GAPVD1: variants seen among roughly 807,000 people sequenced by gnomAD.
The protein encoded by GAPVD1 is GTPase activating protein and VPS9 domains 1.
Under a neutral mutation model 155.5 loss-of-function variants are expected in GAPVD1, and 35 were observed. The ratio of observed to expected loss-of-function variants is 0.23; its 90% confidence interval spans 0.17 to 0.30. GAPVD1 has a LOEUF of 0.30. GAPVD1 is among the 10% of genes least tolerant of loss of function. The probability of loss-of-function intolerance (pLI) is 1.00; values close to 1 mark genes in which losing one functional copy is unlikely to be tolerated. For missense variants in GAPVD1, 1,429 were observed against 1,775.7 expected (o/e 0.80, Z 3.51); for synonymous variants, 636 against 619.7 (o/e 1.03, Z -0.39).
chr9:125,299,843 A>C (rs1840481307), intron 4 of GAPVD1, among the ~76,000 whole-genome samples: 1 of 143,740 alleles, frequency 7.0e-6, no homozygotes, highest in Non-Finnish European at 1.5e-5. Context: ...AGATGATGAA[A>C]CCCCATCTCT....
intron 13 of GAPVD1, among the ~76,000 whole-genome samples, chr9:125,330,987 T>A (rs1845986636): frequency 2.6e-5 from 1 of 38,008 alleles, no homozygotes; most frequent in Non-Finnish European, 5.5e-5. Context: ...ATCCTGAGGA[T>A]TTTTTTTTTG....
At chr9:125,275,680 G>A (rs10986680) in intron 2 of GAPVD1, among the ~76,000 whole-genome samples, 5 of 152,100 alleles carry the variant, frequency 3.3e-5, no homozygotes, top group African/African-American at 9.7e-5. Context: ...ACCTGAACCC[G>A]AGGAGGTTGA....
Position 125,277,915 on chromosome 9 carries a change from G to A in GAPVD1, c.-150+8931G>A, listed in dbSNP as rs555898953. On this transcript the variant is annotated intron_variant, in intron 2 of 27. Coordinates refer to ENST00000297933, the MANE Select transcript of GAPVD1 (RefSeq NM_001282680.3). Reference sequence around the variant, plus strand: ...ACTACTGTACTCAAGTGATCCTCCTGCCTCAGCCTCCCGAAGTGTTGGGAT... The same window carrying A: ...ACTACTGTACTCAAGTGATCCTCCTACCTCAGCCTCCCGAAGTGTTGGGAT... Among the ~76,000 whole-genome samples, 5 of 152,106 alleles carry A rather than the reference G, an allele frequency of 3.3e-5. No homozygotes were observed. In the East Asian group the frequency reaches 9.7e-4, roughly 29 times the overall value.
At chr9:125,271,358 T>G (rs895166160) in intron 2 of GAPVD1, among the ~76,000 whole-genome samples, 2 of 152,032 alleles carry the variant, frequency 1.3e-5, no homozygotes, top group African/African-American at 4.8e-5. Flanking sequence ...CCAACTTATG[T>G]GTTGTTATTT....
rs1281626671 is a variant in GAPVD1, at chr9:125,365,715, T to A, written c.*2969T>A. ...GTGCAGTGCTGTGATCTCGGCTCAC[T>A]GTAACCACCATCTCCCAGTCTCTAG... On this transcript the variant is annotated 3_prime_UTR_variant, in exon 28 of 28. Coordinates refer to ENST00000297933, the MANE Select transcript of GAPVD1 (RefSeq NM_001282680.3). The A allele has an allele frequency of 1.3e-5, 2 of 152,236 alleles. No homozygotes were observed. The highest frequency in any genetic ancestry group is 6.6e-5 in the Admixed American group (1 of 15,250). 9.4% of individuals were successfully genotyped at this position (152,236 alleles called of 1,614,324 possible). A position where few individuals can be genotyped will look rare whatever the true frequency, so the allele number is the denominator to read the frequency against.
intron 1 of GAPVD1, among the ~76,000 whole-genome samples, chr9:125,266,111 G>A (rs1442984086): frequency 6.9e-6 from 1 of 144,528 alleles, no homozygotes; most frequent in Non-Finnish European, 1.5e-5. Flanking sequence ...TAGTGGCAAA[G>A]GGGATGATAT....
intron 2 of GAPVD1, among the ~76,000 whole-genome samples, chr9:125,293,455 CTT>C (rs796829443): frequency 7.4e-5 from 10 of 134,746 alleles, no homozygotes; most frequent in Admixed American, 1.5e-4. Context: ...AGAGAAATGG[CTT>C]TTTTTTTTTT....
chr9:125,299,173 TATAA>T, intron 4 of GAPVD1, 67 bp downstream of exon 4: 1 of 774,276 alleles, frequency 1.3e-6, no homozygotes, highest in Non-Finnish European at 2.1e-6. Flanking sequence ...AATTAGTAAC[TATAA>T]ATAAATGAAT....
intron 12 of GAPVD1, among the ~76,000 whole-genome samples, chr9:125,327,286 T>C (rs577013432): frequency 2.6e-5 from 4 of 152,238 alleles, no homozygotes; most frequent in East Asian, 3.9e-4. Context: ...CTGAAAGATA[T>C]ATAGTCTTGT....
chr9:125,331,323 C>T (rs1203814598), intron 13 of GAPVD1, among the ~76,000 whole-genome samples: 1 of 152,026 alleles, frequency 6.6e-6, no homozygotes, highest in African/African-American at 2.4e-5. Context: ...GCCTCAGCCT[C>T]CCAAGTAGCT....
At chr9:125,272,274 G>A (rs981969445) in intron 2 of GAPVD1, among the ~76,000 whole-genome samples, 6 of 151,998 alleles carry the variant, frequency 3.9e-5, no homozygotes, top group Non-Finnish European at 8.8e-5. Flanking sequence ...CACCCGCCTC[G>A]GCCTCCCAAA....
chr9:125,346,635 A>G (rs772894371), intron 19 of GAPVD1, 184 bp from the exon 20 acceptor site: 1 of 629,968 alleles, frequency 1.6e-6, no homozygotes. Flanking sequence ...TGCTTTGGCA[A>G]GGCTCTCAGA....
intron 3 of GAPVD1, among the ~76,000 whole-genome samples, chr9:125,296,986 C>G (rs1451528575): frequency 1.3e-5 from 2 of 152,176 alleles, no homozygotes; most frequent in Non-Finnish European, 2.9e-5. Flanking sequence ...AACTTGATGA[C>G]TGTCTGCTGC....
intron 25 of GAPVD1, 42 bp downstream of exon 25, chr9:125,355,899 G>C: frequency 9.4e-7 from 1 of 1,066,540 alleles, no homozygotes. Context: ...AACTACATAG[G>C]GATCTACCAG....
intron 9 of GAPVD1, among the ~76,000 whole-genome samples, chr9:125,313,637 CTG>C (rs1842978508): frequency 6.6e-6 from 1 of 151,918 alleles, no homozygotes; most frequent in African/African-American, 2.4e-5. Context: ...GAGTGTCACT[CTG>C]TTGCACAGCT....
At chr9:125,334,881 A>G (rs763373795) in intron 15 of GAPVD1, among the ~76,000 whole-genome samples, 9 of 152,168 alleles carry the variant, frequency 5.9e-5, no homozygotes, top group Non-Finnish European at 1.0e-4. Context: ...ATGAAATTCA[A>G]ACTTTTGGAC....
At chr9:125,263,758 C>G (rs922547311) in intron 1 of GAPVD1, 2 of 915,308 alleles carry the variant, frequency 2.2e-6, no homozygotes, top group Non-Finnish European at 3.6e-6. Context: ...TCTTGTGAGT[C>G]TCGCAGGTCA....
chr9:125,265,150 G>T (rs572588563), intron 1 of GAPVD1, among the ~76,000 whole-genome samples: 4 of 152,284 alleles, frequency 2.6e-5, no homozygotes, highest in South Asian at 2.1e-4. Context: ...TCATCATTTT[G>T]TATGAGGTAA....
In GAPVD1 at chr9:125,323,679, G is replaced by A. The variant is rs1454233262; in HGVS notation, c.1733-119G>A. 4 of 919,000 alleles carry A rather than the reference G, an allele frequency of 4.4e-6. No individual in the cohort carries two copies. The African/African-American group carries it at 5.0e-5, about 11-fold the overall frequency. 56.9% of individuals were successfully genotyped at this position (919,000 alleles called of 1,614,324 possible). A position where few individuals can be genotyped will look rare whatever the true frequency, so the allele number is the denominator to read the frequency against. On this transcript the variant is annotated intron_variant, in intron 10 of 27. Transcript: ENST00000297933. ...CTCAAAGGGCATGTGTTTTTTTAAGGTATAAAAAGTATTAAAAACACTTTA... is the reference window on the plus strand; with the variant it reads ...CTCAAAGGGCATGTGTTTTTTTAAGATATAAAAAGTATTAAAAACACTTTA...
Sources: gnomAD v4.1 joint callset for allele counts (sites outside exome capture counted in the v4.1 genomes callset) on GRCh38, gnomAD v4.1.1 for gene constraint, MANE v1.5 for transcripts, NCBI Gene and HGNC (gene_info 2026-07-23, HGNC 2026-07-21) for gene names.